The following SEL1L3 variants were observed in gnomAD, a reference collection of about 807,000 sequenced individuals.
The protein encoded by SEL1L3 is protein sel-1 homolog 3.
Under a neutral mutation model 142.8 loss-of-function variants are expected in SEL1L3, and 76 were observed. The ratio of observed to expected loss-of-function variants is 0.53; its 90% CI spans 0.44 to 0.64. The LOEUF (loss-of-function observed/expected upper bound fraction) is 0.64, where lower values mean the gene tolerates loss of function less well. Ranked by LOEUF, SEL1L3 falls within the 30% of genes least tolerant of loss-of-function variation. The probability of loss-of-function intolerance (pLI) is 0.00; values close to 1 mark genes in which losing one functional copy is unlikely to be tolerated. For synonymous variants in SEL1L3, 504 were observed against 519.6 expected (o/e 0.97, Z 0.41); for missense variants, 1,262 against 1,381.7 (o/e 0.91, Z 1.37).
intron 11 of SEL1L3, among the ~76,000 whole-genome samples, chr4:25,796,285 T>C (rs1560308212): frequency 6.6e-6 from 1 of 152,080 alleles, no homozygotes; most frequent in Non-Finnish European, 1.5e-5. Flanking sequence ...GTCCTGTCTG[T>C]GTGTCATCAA....
intron 11 of SEL1L3, among the ~76,000 whole-genome samples, chr4:25,799,195 C>T (rs564579124): frequency 3.9e-4 from 60 of 152,248 alleles, no homozygotes; most frequent in African/African-American, 1.2e-3. Context: ...GTGCCTCAGC[C>T]TCCCAAGTAG....
At chr4:25,792,010 C>T (rs1158169003) in intron 11 of SEL1L3, among the ~76,000 whole-genome samples, 1 of 151,868 alleles carries the variant, frequency 6.6e-6, no homozygotes, top group Non-Finnish European at 1.5e-5. Flanking sequence ...CTCGTGAAGC[C>T]AGGGGTCCTT....
intron 1 of SEL1L3, among the ~76,000 whole-genome samples, chr4:25,854,470 G>A (rs1248556219): frequency 6.6e-6 from 1 of 152,020 alleles, no homozygotes; most frequent in African/African-American, 2.4e-5. Context: ...TAGAGACCGA[G>A]TTTCACCATG....
chr4:25,820,116 A>G (rs1048808594), intron 7 of SEL1L3, among the ~76,000 whole-genome samples, 176 bp from the exon 8 acceptor site: 13 of 152,200 alleles, frequency 8.5e-5, no homozygotes, highest in Admixed American at 7.9e-4. Context: ...TAATTCAAGG[A>G]CATGCCAGCT....
intron 1 of SEL1L3, 55 bp from the exon 2 acceptor site, chr4:25,847,919 T>C: frequency 9.9e-7 from 1 of 1,009,290 alleles, no homozygotes; most frequent in Non-Finnish European, 1.4e-6. Flanking sequence ...ATCCTCATCA[T>C]AACAGATACT....
intron 9 of SEL1L3, among the ~76,000 whole-genome samples, chr4:25,811,087 G>A (rs1713990099): frequency 6.6e-6 from 1 of 152,168 alleles, no homozygotes; most frequent in South Asian, 2.1e-4. Context: ...TTCTCACTGT[G>A]GTCGCCCCAG....
chr4:25,784,257 A>G lies in SEL1L3; in HGVS notation c.2251T>C (p.Leu751=). 4 of 1,613,798 alleles carry G rather than the reference A, an allele frequency of 2.5e-6. No individual in the cohort carries two copies. The highest frequency in any genetic ancestry group is 3.4e-6 in the Non-Finnish European group (4 of 1,179,738). Reference sequence around the variant, plus strand: ...GAAGCTGCTTTCTTCATCAGCTCTAAGGCAAGCCGTCTGTTCTTTTTTACT... The same window carrying G: ...GAAGCTGCTTTCTTCATCAGCTCTAGGGCAAGCCGTCTGTTCTTTTTTACT... ...QGVKKNRRLA[L]ELMKKAASKG... The change falls in exon 14 of 24, where the codon TTA becomes CTA. Residue 751 remains leucine (L), a synonymous_variant. Transcript: ENST00000399878.
chr4:25,814,802 T>C (rs1442296264), intron 9 of SEL1L3, among the ~76,000 whole-genome samples: 1 of 151,936 alleles, frequency 6.6e-6, no homozygotes, highest in Admixed American at 6.6e-5. Context: ...TCAAGGTTTT[T>C]TTTTTTCTCA....
At chr4:25,801,101 C>A (rs1435313335) in intron 11 of SEL1L3, among the ~76,000 whole-genome samples, 2 of 152,218 alleles carry the variant, frequency 1.3e-5, no homozygotes, top group South Asian at 2.1e-4. Context: ...TAAGCAGGGG[C>A]AAATCAAGTT....
intron 1 of SEL1L3, among the ~76,000 whole-genome samples, chr4:25,852,456 A>T (rs1021041357): frequency 1.6e-4 from 25 of 152,230 alleles, no homozygotes; most frequent in Non-Finnish European, 3.1e-4. Flanking sequence ...TAATTCAGCC[A>T]GATATGCCAA....
At chr4:25,735,906 T>C in the SEL1L3 span, among the ~76,000 whole-genome samples, 2 of 144,854 alleles carry the variant, frequency 1.4e-5, no homozygotes, top group African/African-American at 5.1e-5. Context: ...CTCAGCTCAC[T>C]GCAAGCTCCA....
chr4:25,854,017 T>C (rs1051589062), intron 1 of SEL1L3, among the ~76,000 whole-genome samples: 19 of 152,172 alleles, frequency 1.2e-4, no homozygotes, highest in African/African-American at 4.1e-4. Flanking sequence ...TAAAATGATA[T>C]ATGTGGCTTG....
the SEL1L3 span, chr4:25,719,973 A>G: frequency 6.4e-4 from 98 of 152,298 alleles, no homozygotes; most frequent in African/African-American, 2.2e-3. Flanking sequence ...TGATAGACTA[A>G]TACTCCTAGT....
intron 13 of SEL1L3, among the ~76,000 whole-genome samples, chr4:25,785,078 C>A (rs1031926568): frequency 6.6e-6 from 1 of 152,122 alleles, no homozygotes; most frequent in Non-Finnish European, 1.5e-5. Flanking sequence ...CTGCTGCTTC[C>A]AAACTCAGAA....
chr4:25,815,296 C>T (rs1039844256), intron 9 of SEL1L3, among the ~76,000 whole-genome samples: 1 of 152,108 alleles, frequency 6.6e-6, no homozygotes, highest in African/African-American at 2.4e-5. Flanking sequence ...ATGGGGGCCC[C>T]AGAAGTCTAA....
At chr4:25,769,199 G>C (rs1356476974) in intron 17 of SEL1L3, among the ~76,000 whole-genome samples, 1 of 152,162 alleles carries the variant, frequency 6.6e-6, no homozygotes, top group Non-Finnish European at 1.5e-5. Context: ...GGGGGAGTAA[G>C]GGAAGCAGAT....
intron 23 of SEL1L3, chr4:25,756,682 T>C: frequency 1.8e-6 from 2 of 1,088,874 alleles, no homozygotes; most frequent in Non-Finnish European, 2.3e-6. Context: ...TATTCTATAC[T>C]GGCTCAGAAA....
chr4:25,844,558 C>T (rs752597114), intron 2 of SEL1L3, among the ~76,000 whole-genome samples: 14 of 152,152 alleles, frequency 9.2e-5, no homozygotes, highest in Non-Finnish European at 1.8e-4. Context: ...AAGGAAAAGA[C>T]GTTTCACATT....
chr4:25,782,463 T>C (rs1183981322), intron 14 of SEL1L3, 45 bp from the exon 15 acceptor site: 4 of 1,531,570 alleles, frequency 2.6e-6, no homozygotes, highest in Non-Finnish European at 3.6e-6. Context: ...AAAAATGAAA[T>C]CTAGAGAGCT....
Sources: gnomAD v4.1 joint callset for allele counts (sites outside exome capture counted in the v4.1 genomes callset) on GRCh38, gnomAD v4.1.1 for gene constraint, MANE v1.5 for transcripts, NCBI Gene and HGNC (gene_info 2026-07-23, HGNC 2026-07-21) for gene names.